Variants in RIMS2 observed in about 807,000 individuals in gnomAD.
RIMS2 encodes regulating synaptic membrane exocytosis protein 2.
In RIMS2, 59 loss-of-function variants were observed where a neutral mutation model predicts 174.4. The ratio of observed to expected loss-of-function variants is 0.34; its 90% CI spans 0.27 to 0.42. The LOEUF (loss-of-function observed/expected upper bound fraction) is 0.42. Among genes scored for constraint, RIMS2 ranks in the 10% least tolerant of loss-of-function variants. The probability of loss-of-function intolerance (pLI) is 1.00; values close to 1 mark genes in which losing one functional copy is unlikely to be tolerated. For missense variants in RIMS2, 1,620 were observed against 1,666.3 expected (o/e 0.97, Z 0.48); for synonymous variants, 606 against 572.5 (o/e 1.06, Z -0.84).
At chr8:103,578,645 C>A (rs867975533) in intron 1 of RIMS2, among the ~76,000 whole-genome samples, 38 of 152,098 alleles carry the variant, frequency 2.5e-4, no homozygotes, top group African/African-American at 8.0e-4. Flanking sequence ...TCATACATTC[C>A]AGGAGGGGAG....
chr8:103,540,883 T>C (rs1842271716), intron 1 of RIMS2, among the ~76,000 whole-genome samples: 2 of 151,220 alleles, frequency 1.3e-5, no homozygotes, highest in Admixed American at 1.3e-4. Context: ...AAAAATGCAA[T>C]AGGGAATGTC....
At chr8:103,702,344 GGATA>G (rs2097176416) in intron 2 of RIMS2, among the ~76,000 whole-genome samples, 1 of 151,810 alleles carries the variant, frequency 6.6e-6, no homozygotes, top group African/African-American at 2.4e-5. Flanking sequence ...ATCCCTTATT[GGATA>G]GATAATTTGT....
chr8:103,587,157 A>G (rs1327514901), intron 1 of RIMS2, among the ~76,000 whole-genome samples: 1 of 152,034 alleles, frequency 6.6e-6, no homozygotes, highest in African/African-American at 2.4e-5. Context: ...TTGAACCAGG[A>G]AGAAATCCAA....
At chr8:103,753,878 A>G (rs1340273643) in intron 2 of RIMS2, among the ~76,000 whole-genome samples, 2 of 152,134 alleles carry the variant, frequency 1.3e-5, no homozygotes, top group African/African-American at 2.4e-5. Flanking sequence ...TAAAAACACC[A>G]GCTCCTGGAT....
chr8:103,908,191 A>T (rs1378657200), intron 4 of RIMS2, among the ~76,000 whole-genome samples: 1 of 151,848 alleles, frequency 6.6e-6, no homozygotes, highest in South Asian at 2.1e-4. Context: ...ACAGGCGTGC[A>T]CCACCATGCC....
intron 19 of RIMS2, among the ~76,000 whole-genome samples, chr8:104,243,684 T>TC (rs2099314888): frequency 6.6e-6 from 1 of 151,594 alleles, no homozygotes; most frequent in Non-Finnish European, 1.5e-5. Flanking sequence ...AGACTTTGTC[T>TC]CAAAAAAAAA....
intron 2 of RIMS2, among the ~76,000 whole-genome samples, chr8:103,741,192 G>T (rs977887647): frequency 6.6e-6 from 1 of 151,874 alleles, no homozygotes; most frequent in Admixed American, 6.6e-5. Flanking sequence ...AGACAAAAGG[G>T]ACTGGTTTTC....
intron 2 of RIMS2, among the ~76,000 whole-genome samples, chr8:103,723,573 A>G (rs2097484151): frequency 6.6e-6 from 1 of 152,158 alleles, no homozygotes; most frequent in Non-Finnish European, 1.5e-5. Flanking sequence ...GATGACTTGC[A>G]GCCTAGGGCA....
intron 19 of RIMS2, among the ~76,000 whole-genome samples, chr8:104,029,498 A>T (rs2096339084): frequency 6.6e-6 from 1 of 152,180 alleles, no homozygotes; most frequent in Non-Finnish European, 1.5e-5. Context: ...TCAATCATTG[A>T]TAGCTTTGAT....
chr8:103,651,028 C>T (rs959994667), intron 1 of RIMS2, among the ~76,000 whole-genome samples: 2 of 152,214 alleles, frequency 1.3e-5, no homozygotes, highest in Admixed American at 1.3e-4. Context: ...ATGCAAAACT[C>T]CTGGGTCTCT....
At chr8:103,669,807 C>T (rs2096722565) in intron 1 of RIMS2, among the ~76,000 whole-genome samples, 1 of 152,262 alleles carries the variant, frequency 6.6e-6, no homozygotes, top group South Asian at 2.1e-4. Flanking sequence ...CCCCTTCCGG[C>T]TGCTTTCATG....
intron 16 of RIMS2, among the ~76,000 whole-genome samples, chr8:103,988,214 A>AAT (rs1565700944): frequency 6.6e-6 from 1 of 152,208 alleles, no homozygotes; most frequent in Non-Finnish European, 1.5e-5. Context: ...GTAAAATAAT[A>AAT]ATATATATAC....
chr8:104,001,836 A>G (rs2095403028), intron 17 of RIMS2, among the ~76,000 whole-genome samples: 1 of 151,980 alleles, frequency 6.6e-6, no homozygotes, highest in Non-Finnish European at 1.5e-5. Context: ...GTACCTTTGT[A>G]TGTAATGCAA....
chr8:103,742,393 A>G (rs1564471762), intron 2 of RIMS2, among the ~76,000 whole-genome samples: 1 of 152,152 alleles, frequency 6.6e-6, no homozygotes, highest in African/African-American at 2.4e-5. Context: ...CCATATGTAC[A>G]TAATGAGTCT....
chr8:103,859,041 G>A (rs1469815202), intron 3 of RIMS2, among the ~76,000 whole-genome samples: 2 of 152,108 alleles, frequency 1.3e-5, no homozygotes, highest in African/African-American at 4.8e-5. Flanking sequence ...GATAGATCAT[G>A]AGAAACTAAA....
At chr8:103,989,171 T>C (rs1190311411) in intron 16 of RIMS2, 134 bp from the exon 19 acceptor site, 1 of 627,596 alleles carries the variant, frequency 1.6e-6, no homozygotes, top group Non-Finnish European at 2.9e-6. Context: ...TAGTTAGAGA[T>C]GCAATTAATT....
intron 1 of RIMS2, among the ~76,000 whole-genome samples, chr8:103,571,264 A>C (rs905346938): frequency 2.6e-5 from 4 of 152,234 alleles, no homozygotes; most frequent in South Asian, 2.1e-4. Flanking sequence ...TATGTTCAAC[A>C]AAATAAAATT....
In RIMS2 at chr8:103,694,652, C is replaced by T. The variant is rs147360918; in HGVS notation, c.177-2434C>T. Among the ~76,000 whole-genome samples the T allele has an allele frequency of 5.8e-4, 88 of 152,172 alleles. No individual in the cohort carries two copies. In the East Asian group the frequency reaches 8.5e-3, roughly 15 times the overall value. On this transcript the variant is annotated intron_variant, in intron 1 of 23. Coordinates refer to ENST00000504942, the Ensembl canonical transcript of RIMS2. ...TGGAGGCTTGGTCTGCAGATACCAG[C>T]CTGGATCCTGGGCTACGGGGGCTGG...
chr8:103,548,144 C>T (rs1225470057), intron 1 of RIMS2, among the ~76,000 whole-genome samples: 4 of 152,166 alleles, frequency 2.6e-5, no homozygotes, highest in Admixed American at 2.0e-4. Context: ...AGAAGGGACT[C>T]CTCCTTAACT....
Sources: gnomAD v4.1 joint callset for allele counts (sites outside exome capture counted in the v4.1 genomes callset) on GRCh38, gnomAD v4.1.1 for gene constraint, MANE v1.5 for transcripts, NCBI Gene and HGNC (gene_info 2026-07-23, HGNC 2026-07-21) for gene names.